The following HAPSTR1 variants were observed in gnomAD, a reference collection of about 807,000 sequenced individuals.
HAPSTR1 encodes HUWE1-associated protein modifying stress responses 1.
chr16:9,106,896 ATCT>A, the HAPSTR1 span: 12 of 152,148 alleles, frequency 7.9e-5, no homozygotes, highest in Non-Finnish European at 1.6e-4. Context: ...GAGACCAGAA[ATCT>A]TCTGGATCAC....
At chr16:9,117,054 G>A in the HAPSTR1 span, 8,296 of 1,226,752 alleles carry the variant, frequency 6.8e-3, 35 homozygotes, top group Non-Finnish European at 8.6e-3. Context: ...TGCCATAAAA[G>A]GAAGTTCTAG....
chr16:9,114,783 T>G, the HAPSTR1 span, among the ~76,000 whole-genome samples: 1 of 152,238 alleles, frequency 6.6e-6, no homozygotes, highest in Non-Finnish European at 1.5e-5. Context: ...AGCTCTTGTT[T>G]ACTACCTGTT....
At chr16:9,117,647 A>G in the HAPSTR1 span, 1 of 152,662 alleles carries the variant, frequency 6.6e-6, no homozygotes, top group Non-Finnish European at 1.5e-5. Context: ...GTTTTAAGAC[A>G]AACACTACTT....
chr16:9,093,335 A>C, the HAPSTR1 span, among the ~76,000 whole-genome samples: 149,909 of 152,256 alleles, frequency 0.98, 73,801 homozygotes, highest in East Asian at 1. Context: ...AAGAATTATC[A>C]TGCCCCTAAA....
At chr16:9,097,240 C>CTTT in the HAPSTR1 span, among the ~76,000 whole-genome samples, 8 of 140,788 alleles carry the variant, frequency 5.7e-5, no homozygotes, top group Non-Finnish European at 6.1e-5. Context: ...GCGCCTGGCT[C>CTTT]TTTTTTTTTT....
the HAPSTR1 span, among the ~76,000 whole-genome samples, chr16:9,097,320 G>GT: frequency 6.7e-6 from 1 of 149,240 alleles, no homozygotes; most frequent in Non-Finnish European, 1.5e-5. Context: ...TCAGCTCACT[G>GT]TAACCTCCAC....
the HAPSTR1 span, chr16:9,108,335 T>G: frequency 4.6e-5 from 7 of 152,170 alleles, no homozygotes; most frequent in Non-Finnish European, 8.8e-5. Context: ...TTTCTAATTT[T>G]CAATATATTT....
At chr16:9,106,164 T>G in the HAPSTR1 span, 8 of 152,198 alleles carry the variant, frequency 5.3e-5, no homozygotes, top group African/African-American at 1.9e-4. Context: ...ATGCCGGCAC[T>G]TTGGGAGGCC....
chr16:9,110,605 A>C, the HAPSTR1 span: 1 of 152,262 alleles, frequency 6.6e-6, no homozygotes, highest in Non-Finnish European at 1.5e-5. Flanking sequence ...AATCATTTTA[A>C]GAAGAAATTT....
chr16:9,104,546 A>C, the HAPSTR1 span: 1 of 152,208 alleles, frequency 6.6e-6, no homozygotes, highest in African/African-American at 2.4e-5. Flanking sequence ...ACCTGTAGAG[A>C]TCTTGTTCTC....
At chr16:9,097,932 GC>G in the HAPSTR1 span, among the ~76,000 whole-genome samples, 2 of 152,216 alleles carry the variant, frequency 1.3e-5, no homozygotes, top group Non-Finnish European at 2.9e-5. Flanking sequence ...TGTGGAGGGA[GC>G]TTCTCTCGAA....
At chr16:9,103,078 C>G in the HAPSTR1 span, 1 of 1,614,116 alleles carries the variant, frequency 6.2e-7, no homozygotes, top group South Asian at 1.1e-5. Context: ...TTAAAAAACG[C>G]AGAAGAACTA....
the HAPSTR1 span, chr16:9,093,138 C>T: frequency 2.3e-6 from 2 of 882,240 alleles, no homozygotes; most frequent in Non-Finnish European, 3.5e-6. Flanking sequence ...AGAATCGCGG[C>T]GGTGCTCTAG....
the HAPSTR1 span, chr16:9,121,047 A>G: frequency 1.3e-5 from 2 of 152,024 alleles, no homozygotes; most frequent in Non-Finnish European, 2.9e-5. Flanking sequence ...GCTCACCGCA[A>G]TCTCTGCCTC....
At chr16:9,103,359 G>A in the HAPSTR1 span, 7 of 1,269,174 alleles carry the variant, frequency 5.5e-6, no homozygotes, top group Non-Finnish European at 7.5e-6. Context: ...ACTGTTTTTT[G>A]TCTTACAGTA....
chr16:9,096,820 G>A, the HAPSTR1 span, among the ~76,000 whole-genome samples: 10 of 151,940 alleles, frequency 6.6e-5, no homozygotes, highest in Non-Finnish European at 1.0e-4. Flanking sequence ...GCAATATAGT[G>A]AGATCCCGTG....
the HAPSTR1 span, chr16:9,119,102 G>A: frequency 0.99 from 152,017 of 152,792 alleles, 75,625 homozygotes; most frequent in East Asian, 1. Context: ...TTTCCATTGC[G>A]TTTACTTTCA....
the HAPSTR1 span, among the ~76,000 whole-genome samples, chr16:9,098,920 C>T: frequency 9.2e-5 from 14 of 152,068 alleles, no homozygotes; most frequent in Non-Finnish European, 1.0e-4. Context: ...TACAAACTTG[C>T]GATACCTGCT....
At chr16:9,101,954 C>G in the HAPSTR1 span, among the ~76,000 whole-genome samples, 2 of 152,232 alleles carry the variant, frequency 1.3e-5, no homozygotes, top group African/African-American at 4.8e-5. Flanking sequence ...AACCCGGTCT[C>G]TACTAAAAAT....
Sources: gnomAD v4.1 joint callset for allele counts (sites outside exome capture counted in the v4.1 genomes callset) on GRCh38, gnomAD v4.1.1 for gene constraint, MANE v1.5 for transcripts, NCBI Gene and HGNC (gene_info 2026-07-23, HGNC 2026-07-21) for gene names.